Variants in EHF observed in about 807,000 individuals in gnomAD.
The protein encoded by EHF is ETS homologous factor, also known as ESE3 transcription factor.
In EHF, 14 loss-of-function variants were observed where a neutral mutation model predicts 45.1. That is an observed-to-expected ratio of 0.31 (90% CI 0.21 to 0.49). The LOEUF (loss-of-function observed/expected upper bound fraction) is 0.49, where lower values mean the gene tolerates loss of function less well. Among genes scored for constraint, EHF ranks in the 20% least tolerant of loss-of-function variants. The pLI is 0.99. For synonymous variants in EHF, 136 were observed against 131.8 expected, an observed-to-expected ratio of 1.03 and a Z score of -0.22; for missense variants, 282 against 371.4, an observed-to-expected ratio of 0.76 and a Z score of 1.98.
At chr11:34,624,265 A>G in intron 1 of EHF, 2 of 985,180 alleles carry the variant, frequency 2.0e-6, no homozygotes, top group Non-Finnish European at 1.2e-6. Flanking sequence ...CCACATTCTC[A>G]CCCTGCCTTT....
chr11:34,643,905 G>T (rs1357573045), intron 2 of EHF, among the ~76,000 whole-genome samples: 2 of 152,212 alleles, frequency 1.3e-5, no homozygotes, highest in Non-Finnish European at 2.9e-5. Flanking sequence ...TAGAACTGGG[G>T]TGCCACTTTT....
chr11:34,651,002 G>T (rs1162434075), intron 4 of EHF, among the ~76,000 whole-genome samples: 2 of 152,178 alleles, frequency 1.3e-5, no homozygotes, highest in Middle Eastern at 6.8e-3. Flanking sequence ...ATCCTAGAGG[G>T]AGGGGGCTGT....
intron 1 of EHF, chr11:34,632,389 G>A (rs1444205784): frequency 1.5e-6 from 2 of 1,290,506 alleles, no homozygotes; most frequent in Non-Finnish European, 2.1e-6. Flanking sequence ...TGGGTTTTAT[G>A]TTAACAACCT....
chr11:34,656,439 T>C (rs1273051856), intron 6 of EHF, among the ~76,000 whole-genome samples: 1 of 152,050 alleles, frequency 6.6e-6, no homozygotes, highest in Non-Finnish European at 1.5e-5. Flanking sequence ...AATCTTTCAA[T>C]GGCTTCCATC....
intron 1 of EHF, among the ~76,000 whole-genome samples, chr11:34,625,627 CAGGG>C (rs1852314178): frequency 6.6e-6 from 1 of 152,200 alleles, no homozygotes; most frequent in African/African-American, 2.4e-5. Context: ...GAACTTGCAA[CAGGG>C]CCAAGCAGGG....
chr11:34,648,870 A>AGTTTGTAGAGTTTGTAGAGTTATG, intron 3 of EHF, 149 bp from the exon 4 acceptor site: 1 of 698,296 alleles, frequency 1.4e-6, no homozygotes, highest in Non-Finnish European at 2.4e-6. Flanking sequence ...GTAGAGGCTG[A>AGTTTGTAGAGTTTGTAGAGTTATG]CAGAGAAACC....
rs551422527 is a variant in EHF at position 34,623,171 on chromosome 11, C to T, written c.-4+1943C>T. 4.6e-5 allele frequency among the ~76,000 whole-genome samples: 7 copies of T among 152,180 alleles called. No homozygotes were observed. In the South Asian group the frequency reaches 6.2e-4, roughly 14 times the overall value. On this transcript the variant is annotated intron_variant, in intron 1 of 8. Coordinates refer to ENST00000257831, the MANE Select transcript of EHF (RefSeq NM_012153.6). Reference sequence around the variant, plus strand: ...CATGATCTTGGCTGACTGCAACCTCCGCCTCCCAGGTTCAAGTGATTCTCC... The same window carrying T: ...CATGATCTTGGCTGACTGCAACCTCTGCCTCCCAGGTTCAAGTGATTCTCC...
Position 34,658,863 on chromosome 11 carries a change from G to A in EHF, c.835G>A (p.Val279Met), listed in dbSNP as rs746432576. The change falls in exon 9 of 9, where the codon GTG becomes ATG. Residue 279 changes from valine (V) to methionine (M), a missense_variant. Physicochemically the swap from Val to Met is conservative, Grantham distance 21. This residue lies in a region of EHF where 28 missense variants were observed against 37.1 expected (regional missense o/e 0.76). Transcript: ENST00000257831. ...YYYKREILER[V>M]DGRRLVYKFG... ...CTACAAAAGAGAAATTCTGGAGCGT[G>A]TGGATGGACGAAGACTGGTATATAA... 2 of 1,613,150 alleles carry A rather than the reference G, an allele frequency of 1.2e-6. No homozygotes were observed. The highest frequency in any genetic ancestry group is 1.7e-6 in the Non-Finnish European group (2 of 1,179,630).
In EHF at chr11:34,658,990, C is replaced by T. The variant is rs1855914587; in HGVS notation, c.*59C>T. ...ACACCAAATAATCAGAAACAAAGAA[C>T]TCCTGGACGTAAATATTTCAAAGAC... On this transcript the variant is annotated 3_prime_UTR_variant, in exon 9 of 9. Transcript: ENST00000257831. 2 of 1,313,038 alleles carry T rather than the reference C, an allele frequency of 1.5e-6. No individual in the cohort carries two copies. The allele number at this position is 1,313,038 out of a possible 1,614,324, so 81.3% of individuals were successfully genotyped here. A position where few individuals can be genotyped will look rare whatever the true frequency, so the allele number is the denominator to read the frequency against.
At chr11:34,639,110 T>A (rs1853737547) in intron 1 of EHF, among the ~76,000 whole-genome samples, 1 of 152,148 alleles carries the variant, frequency 6.6e-6, no homozygotes. Context: ...TCTAAACCAG[T>A]GCGAGAAATG....
chr11:34,651,843 T>C (rs944334568), intron 6 of EHF, 38 bp downstream of exon 6: 2 of 1,573,752 alleles, frequency 1.3e-6, no homozygotes, highest in Non-Finnish European at 1.7e-6. Flanking sequence ...GTATGCCTAA[T>C]GCTTAGGGAG....
At chr11:34,654,410 T>C (rs1855483823) in intron 6 of EHF, among the ~76,000 whole-genome samples, 1 of 152,216 alleles carries the variant, frequency 6.6e-6, no homozygotes, top group African/African-American at 2.4e-5. Flanking sequence ...GATCAAAAGA[T>C]ATCAGTGGTA....
chr11:34,651,397 C>T (rs775574435), intron 4 of EHF, 145 bp from the exon 5 acceptor site: 13 of 658,324 alleles, frequency 2.0e-5, no homozygotes, highest in Non-Finnish European at 3.4e-5. Context: ...TAAAGTAACG[C>T]AGCTGAAGCA....
Position 34,661,829 on chromosome 11 carries a change from G to C in EHF, c.*2898G>C, listed in dbSNP as rs117365590. Among the ~76,000 whole-genome samples, 1 of 152,080 alleles carries C rather than the reference G, an allele frequency of 6.6e-6. No individual in the cohort carries two copies. The highest frequency in any genetic ancestry group is 2.4e-5 in the African/African-American group (1 of 41,424). ...TAAACATGTTATCCTTAAACCCCCC[G>C]TATGCCTGAGTTGAAAGGGCTCTCT... On this transcript the variant is annotated 3_prime_UTR_variant, in exon 9 of 9. Transcript: ENST00000257831.
At chr11:34,647,035 T>C in intron 3 of EHF, 1 of 261,352 alleles carries the variant, frequency 3.8e-6, no homozygotes, top group Non-Finnish European at 7.0e-6. Flanking sequence ...AAAAAGATCA[T>C]CATGGTTACA....
At chr11:34,649,817 C>A (rs1327668847) in intron 4 of EHF, among the ~76,000 whole-genome samples, 1 of 152,188 alleles carries the variant, frequency 6.6e-6, no homozygotes, top group Non-Finnish European at 1.5e-5. Flanking sequence ...CCACGTGGGC[C>A]AACCAAGCTT....
chr11:34,653,151 TC>T (rs1258976600), intron 6 of EHF, among the ~76,000 whole-genome samples: 1 of 2,750 alleles, frequency 3.6e-4, no homozygotes, highest in African/African-American at 3.8e-4. Context: ...CATCCTTCCA[TC>T]CTTCCATCCT....
intron 3 of EHF, 146 bp downstream of exon 3, chr11:34,646,830 A>G: frequency 9.2e-7 from 1 of 1,083,686 alleles, no homozygotes; most frequent in South Asian, 1.5e-5. Flanking sequence ...GAGAAATGGA[A>G]GGAAGATGAA....
Position 34,662,169 on chromosome 11 carries a change from A to G in EHF, c.*3238A>G, listed in dbSNP as rs1225499208. The stretch of plus-strand genomic sequence containing the variant: ...CTAGCATGGGACAAGTACACAACAC[A>G]TATTTGTTCAATGAATGAATGAATG... On this transcript the variant is annotated 3_prime_UTR_variant, in exon 9 of 9. Coordinates refer to ENST00000257831, the MANE Select transcript of EHF (RefSeq NM_012153.6). 1.3e-5 allele frequency among the ~76,000 whole-genome samples: 2 copies of G among 152,266 alleles called. No individual in the cohort carries two copies. Among genetic ancestry groups the G allele is most frequent in the East Asian group, 3.9e-4 (2 of 5,184 alleles).
Sources: gnomAD v4.1 joint callset for allele counts (sites outside exome capture counted in the v4.1 genomes callset) on GRCh38, gnomAD v4.1.1 for gene constraint, gnomAD v4.1.1 regional missense constraint, MANE v1.5 for transcripts, NCBI Gene and HGNC (gene_info 2026-07-23, HGNC 2026-07-21) for gene names.